The following HSPG2 variants were observed in gnomAD, a reference collection of about 807,000 sequenced individuals.
The protein encoded by HSPG2 is heparan sulfate proteoglycan 2, also known as basement membrane-specific heparan sulfate proteoglycan core protein.
In HSPG2, 278 loss-of-function variants were observed where a neutral mutation model predicts 526.6. The ratio of observed to expected loss-of-function variants is 0.53; its 90% CI spans 0.48 to 0.58. The LOEUF (loss-of-function observed/expected upper bound fraction) is 0.58, where lower values mean the gene tolerates loss of function less well. Ranked by LOEUF, HSPG2 falls within the 20% of genes least tolerant of loss-of-function variation. HSPG2 has a pLI of 0.00. For missense variants in HSPG2, 5,354 were observed against 6,099.5 expected, an observed-to-expected ratio of 0.88 and a Z score of 4.07; for synonymous variants, 2,465 against 2,555.4, an observed-to-expected ratio of 0.96 and a Z score of 1.07.
Position 21,848,935 on chromosome 1 carries a change from A to G in HSPG2, c.7543T>C (p.Ser2515Pro). The G allele has an allele frequency of 5.0e-6, 8 of 1,613,722 alleles. No individual in the cohort carries two copies. The East Asian group carries it at 1.8e-4, about 36-fold the overall frequency. Reference protein sequence around the residue: ...VVGSSGTQEASVLVTIQQRLS... With the variant: ...VVGSSGTQEAPVLVTIQQRLS... ...CGCTGCTGGATGGTGACAAGGACTGAGGCTTCCTGGGTACCTGAGCTGCCG... is the reference window on the plus strand; with the variant it reads ...CGCTGCTGGATGGTGACAAGGACTGGGGCTTCCTGGGTACCTGAGCTGCCG... The change falls in exon 58 of 97, where the codon TCA becomes CCA. Residue 2515 changes from serine to proline, a missense_variant. Coordinates refer to ENST00000374695, the MANE Select transcript of HSPG2 (RefSeq NM_005529.7). The surrounding 1 kb of genome is among the most constrained non-coding windows in gnomAD (Gnocchi z 4.9).
intron 1 of HSPG2, among the ~76,000 whole-genome samples, chr1:21,930,128 C>T (rs1644310736): frequency 1.3e-5 from 2 of 152,072 alleles, no homozygotes; most frequent in African/African-American, 4.8e-5. Flanking sequence ...TCCAGCCCCA[C>T]GGGCCTCCTT....
chr1:21,855,957 C>G (rs567282533), intron 44 of HSPG2, 45 bp from the exon 45 acceptor site: 1 of 1,598,884 alleles, frequency 6.3e-7, no homozygotes, highest in Non-Finnish European at 8.5e-7. Flanking sequence ...TGGGGAGTGT[C>G]GTCTGACTCA....
In HSPG2 at chr1:21,875,887, G is replaced by T; in HGVS notation, c.3159C>A (p.Ser1053Arg). 6.2e-7 allele frequency: 1 copy of T among 1,614,110 alleles called. No homozygotes were observed. Among genetic ancestry groups the T allele is most frequent in the East Asian group, 2.2e-5 (1 of 44,882 alleles). Reference sequence around the variant, plus strand: ...CCTCCCGGAAAGGCACAATGAAGGTGCTGGGCTGGCCGGGGCTGGGCTCCT... The same window carrying T: ...CCTCCCGGAAAGGCACAATGAAGGTTCTGGGCTGGCCGGGGCTGGGCTCCT... ...VAQEPSPGQPSTFIVPFREQA... is the reference protein window; with the variant it reads ...VAQEPSPGQPRTFIVPFREQA... The change falls in exon 24 of 97, where the codon AGC becomes AGA. Residue 1053 changes from serine (S) to arginine (R), a missense_variant. Physicochemically the swap from Ser to Arg is moderately radical, Grantham distance 110. Coordinates refer to ENST00000374695, the MANE Select transcript of HSPG2 (RefSeq NM_005529.7).
chr1:21,861,699 C>T, intron 39 of HSPG2, 58 bp downstream of exon 39: 1 of 1,488,776 alleles, frequency 6.7e-7, no homozygotes, highest in Non-Finnish European at 9.4e-7. Context: ...TTAAGGCTCT[C>T]ACTTGGGAGT....
At chr1:21,836,692 C>A in intron 75 of HSPG2, 110 bp downstream of exon 75, 1 of 926,268 alleles carries the variant, frequency 1.1e-6, no homozygotes, top group South Asian at 1.4e-5. Flanking sequence ...AGTGATGTGT[C>A]CAAGGACAGT....
At position 21,878,984 on chromosome 1, in the gene HSPG2, T is replaced by C; in HGVS notation, c.2471+10A>G. 1.2e-6 allele frequency: 2 copies of C among 1,612,762 alleles called. No homozygotes were observed. The highest frequency in any genetic ancestry group is 2.2e-5 in the South Asian group (2 of 90,988). Reference sequence around the variant, plus strand: ...AGCCAAACCCCCCCTGACCCGGAGCTGGGGCTGACCTGCGGGAGGCATCGA... The same window carrying C: ...AGCCAAACCCCCCCTGACCCGGAGCCGGGGCTGACCTGCGGGAGGCATCGA... On this transcript the variant is annotated intron_variant, in intron 18 of 96. Transcript: ENST00000374695.
intron 1 of HSPG2, among the ~76,000 whole-genome samples, chr1:21,896,605 T>A (rs1461259899): frequency 1.3e-5 from 2 of 152,124 alleles, no homozygotes; most frequent in Non-Finnish European, 2.9e-5. Flanking sequence ...CTCCTTTTCC[T>A]TTGGAGAAGG....
Position 21,916,068 on chromosome 1 carries a change from G to GAAA in HSPG2, c.64-19759_64-19758insTTT, listed in dbSNP as rs550337052. Among the ~76,000 whole-genome samples, 6 of 47,772 alleles carry GAAA rather than the reference G, an allele frequency of 1.3e-4. 1 individual carries two copies. The highest frequency in any genetic ancestry group is 2.2e-4 in the African/African-American group (3 of 13,880). The allele number at this position is 47,772 out of a possible 152,430, so 31.3% of individuals were successfully genotyped here. A position where few individuals can be genotyped will look rare whatever the true frequency, so the allele number is the denominator to read the frequency against. ...TCCATCTCAAAAAAGAAAAGAAGAA[G>GAAA]AAGAAAAAAAAAAAAAGGCCTGGCA... On this transcript the variant is annotated intron_variant, in intron 1 of 96. Coordinates refer to ENST00000374695, the MANE Select transcript of HSPG2 (RefSeq NM_005529.7).
intron 85 of HSPG2, chr1:21,830,379 C>T: frequency 4.2e-6 from 2 of 472,406 alleles, no homozygotes; most frequent in Admixed American, 3.4e-5. Context: ...ATGGGGTGGG[C>T]ACCTGGGTAA....
Position 21,824,402 on chromosome 1 carries a change from G to A in HSPG2, c.12745-26C>T, listed in dbSNP as rs1557664185. The A allele has an allele frequency of 8.1e-6, 13 of 1,612,916 alleles. No individual in the cohort carries two copies. On this transcript the variant is annotated intron_variant, in intron 93 of 96. Coordinates refer to ENST00000374695, the MANE Select transcript of HSPG2 (RefSeq NM_005529.7). This position sits in a 1 kb window ranked among gnomAD's most constrained non-coding sequence, Gnocchi z 5.9. ...CTGCCAGGGAAGCACAGGGTCTCTG[G>A]GGTCCCCAGCCTGGAGAGCAGAGGC...
At position 21,887,708 on chromosome 1, in the gene HSPG2, G is replaced by A; in HGVS notation, c.704-34C>T. The stretch of plus-strand genomic sequence containing the variant: ...AGATTCCGCTTGGCATTTGGCAGAA[G>A]CAGATGGCTCCTCACCTGCTCCTTG... On this transcript the variant is annotated intron_variant, in intron 7 of 96. Transcript: ENST00000374695. This position sits in a 1 kb window ranked among gnomAD's most constrained non-coding sequence, Gnocchi z 5.0. 1 of 1,613,708 alleles carries A rather than the reference G, an allele frequency of 6.2e-7. No individual in the cohort carries two copies. The highest frequency in any genetic ancestry group is 8.5e-7 in the Non-Finnish European group (1 of 1,179,892).
chr1:21,887,824 C>T lies in HSPG2; in HGVS notation c.703+114G>A, dbSNP rs1642047716. The stretch of plus-strand genomic sequence containing the variant: ...TCTGTCATCACCCTTCCTATGCCCC[C>T]ATCCTCTGCCTGCACCAAACCCTCA... On this transcript the variant is annotated intron_variant, in intron 7 of 96. Coordinates refer to ENST00000374695, the MANE Select transcript of HSPG2 (RefSeq NM_005529.7). This position sits in a 1 kb window ranked among gnomAD's most constrained non-coding sequence, Gnocchi z 5.0. 1.3e-6 allele frequency: 2 copies of T among 1,576,974 alleles called. No individual in the cohort carries two copies. The highest frequency in any genetic ancestry group is 1.3e-5 in the African/African-American group (1 of 74,158).
At chr1:21,833,991 C>T in intron 77 of HSPG2, 66 bp from the exon 78 acceptor site, 3 of 1,073,504 alleles carry the variant, frequency 2.8e-6, no homozygotes, top group South Asian at 2.7e-5. Flanking sequence ...CAGCCTGCAC[C>T]CTGATTCATT....
intron 1 of HSPG2, chr1:21,908,531 G>A: frequency 1.0e-6 from 1 of 958,442 alleles, no homozygotes; most frequent in Non-Finnish European, 1.7e-6. Context: ...AGAACCAATG[G>A]GAAGGAGCCT....
chr1:21,822,565 C>T lies in HSPG2; in HGVS notation c.*751G>A, dbSNP rs3767135. ...GGGTGGGGATGTGGCCTGGGGTGGG[C>T]GGGGCCCGGTGGGCGGGGCCCTATC... On this transcript the variant is annotated 3_prime_UTR_variant, in exon 97 of 97. Coordinates refer to ENST00000374695, the MANE Select transcript of HSPG2 (RefSeq NM_005529.7). 7 of 226,690 alleles carry T rather than the reference C, an allele frequency of 3.1e-5. No individual in the cohort carries two copies. In the East Asian group the frequency reaches 4.6e-4, roughly 15 times the overall value. The allele number at this position is 226,690 out of a possible 1,614,324, so 14.0% of individuals were successfully genotyped here. A position where few individuals can be genotyped will look rare whatever the true frequency, so the allele number is the denominator to read the frequency against.
Position 21,865,044 on chromosome 1 carries a change from C to G in HSPG2, c.4425G>C (p.Pro1475=). 1 of 1,569,478 alleles carries G rather than the reference C, an allele frequency of 6.4e-7. No homozygotes were observed. Among genetic ancestry groups the G allele is most frequent in the African/African-American group, 1.4e-5 (1 of 73,936 alleles). The change falls in exon 36 of 97, where the codon CCG becomes CCC. Residue 1475 remains proline, a synonymous_variant. Transcript: ENST00000374695. The surrounding 1 kb of genome is among the most constrained non-coding windows in gnomAD (Gnocchi z 5.4). ...EEFWRRPDGQ[P]ATREHLLMAL... is the part of the protein sequence containing the mutation. ...CCATCAGGAGGTGCTCGCGTGTGGC[C>G]GGCTGCCCATCGGGCCGGCGCCAGA...
chr1:21,906,996 G>T (rs183412891), intron 1 of HSPG2, among the ~76,000 whole-genome samples: 1 of 152,240 alleles, frequency 6.6e-6, no homozygotes, highest in African/African-American at 2.4e-5. Context: ...GCTGGCGGCC[G>T]GCTAGCTGGT....
At chr1:21,855,468 A>T in intron 46 of HSPG2, 22 bp from the exon 47 acceptor site, 2 of 1,612,748 alleles carry the variant, frequency 1.2e-6, no homozygotes, top group Non-Finnish European at 1.7e-6. Context: ...GTCCTGTGAG[A>T]ACACGCCCTG....
chr1:21,830,118 G>A, intron 85 of HSPG2, 27 bp from the exon 86 acceptor site: 1 of 1,547,400 alleles, frequency 6.5e-7, no homozygotes, highest in Non-Finnish European at 8.8e-7. Flanking sequence ...CCAGTGAAAA[G>A]ACACGGAGGT....
Sources: allele counts gnomAD v4.1 joint callset (sites outside exome capture counted in the v4.1 genomes callset), GRCh38; gene constraint gnomAD v4.1.1; non-coding constraint Gnocchi (gnomAD v3.1); transcripts MANE v1.5; gene names NCBI Gene and HGNC (gene_info 2026-07-23, HGNC 2026-07-21).